CDC27: variants seen among roughly 807,000 people sequenced by gnomAD.
CDC27 encodes the protein cell division cycle 27.
Under a neutral mutation model 109.7 loss-of-function variants are expected in CDC27, and 27 were observed. The ratio of observed to expected loss-of-function variants is 0.25; its 90% CI spans 0.18 to 0.34. The LOEUF (loss-of-function observed/expected upper bound fraction) is 0.34. CDC27 is among the 10% of genes least tolerant of loss of function. CDC27 has a pLI of 1.00. For missense variants in CDC27, 579 were observed against 960.2 expected (o/e 0.60, Z 5.25); for synonymous variants, 266 against 333.9 (o/e 0.80, Z 2.22).
chr17:47,138,076 T>C (rs558614703), intron 13 of CDC27, among the ~76,000 whole-genome samples: 1 of 152,088 alleles, frequency 6.6e-6, no homozygotes, highest in Non-Finnish European at 1.5e-5. Flanking sequence ...GCTGGGATTA[T>C]AGGTGTGAGC....
chr17:47,165,262 T>C (rs1340193118), intron 4 of CDC27, among the ~76,000 whole-genome samples: 2 of 152,198 alleles, frequency 1.3e-5, no homozygotes, highest in Non-Finnish European at 2.9e-5. Context: ...ATGAATAAAG[T>C]TGCTATGAAC....
intron 4 of CDC27, among the ~76,000 whole-genome samples, chr17:47,166,737 G>A (rs569924636): frequency 2.0e-5 from 3 of 152,188 alleles, no homozygotes; most frequent in Non-Finnish European, 2.9e-5. Flanking sequence ...TATAAATTTC[G>A]CTGTAAGACT....
At chr17:47,139,155 C>A (rs1404851304) in intron 12 of CDC27, among the ~76,000 whole-genome samples, 1 of 151,826 alleles carries the variant, frequency 6.6e-6, no homozygotes, top group Non-Finnish European at 1.5e-5. Context: ...TGAGTTTCTA[C>A]CAAAAAGACC....
In CDC27 at chr17:47,138,061, G is replaced by A. The variant is rs11570541; in HGVS notation, c.1704+678C>T. 4.3e-3 allele frequency among the ~76,000 whole-genome samples: 648 copies of A among 152,106 alleles called. 8 individuals are homozygous for A. The highest frequency in any genetic ancestry group is 0.015 in the African/African-American group (610 of 41,490). On this transcript the variant is annotated intron_variant, in intron 13 of 18. Coordinates refer to ENST00000066544, the MANE Select transcript of CDC27 (RefSeq NM_001256.6). ...AGGAATCCGCCTGCCTCAGCCTCCC[G>A]AAGTGCTGGGATTATAGGTGTGAGC...
At chr17:47,187,704 A>G (rs2064498863) in intron 1 of CDC27, among the ~76,000 whole-genome samples, 2 of 137,544 alleles carry the variant, frequency 1.5e-5, no homozygotes, top group Admixed American at 1.4e-4. Context: ...CAGAGAAGGC[A>G]AAAAAAAAAA....
At chr17:47,125,103 G>C (rs190133624) in intron 16 of CDC27, among the ~76,000 whole-genome samples, 1 of 151,674 alleles carries the variant, frequency 6.6e-6, no homozygotes, top group Non-Finnish European at 1.5e-5. Flanking sequence ...ATTTTTAGTA[G>C]AGATGGGGTT....
rs1158266100 is a variant in CDC27 at position 47,132,988 on chromosome 17, CATATATATATATATATATATAT to C, written c.1914-636_1914-615del. 1.7e-4 allele frequency among the ~76,000 whole-genome samples: 7 copies of C among 40,896 alleles called. 1 individual carries two copies. Among genetic ancestry groups the C allele is most frequent in the East Asian group, 1.9e-3 (2 of 1,056 alleles). 26.8% of individuals were successfully genotyped at this position (40,896 alleles called of 152,430 possible). On this transcript the variant is annotated intron_variant, in intron 14 of 18. Coordinates refer to ENST00000066544, the MANE Select transcript of CDC27 (RefSeq NM_001256.6). ...GGGGTTTTGCCATGTTGCCCAGGCG[CATATATATATATATATATATAT>C]ATATATATATATATATATACACACA...
In CDC27 at chr17:47,142,403, G is replaced by A. The variant is rs751941268; in HGVS notation, c.1204C>T (p.Pro402Ser). The A allele has an allele frequency of 4.3e-5, 64 of 1,487,438 alleles. No individual in the cohort carries two copies. The highest frequency in any genetic ancestry group is 5.7e-5 in the Non-Finnish European group (62 of 1,084,994). The allele number at this position is 1,487,438 out of a possible 1,614,324, so 92.1% of individuals were successfully genotyped here. A position where few individuals can be genotyped will look rare whatever the true frequency, so the allele number is the denominator to read the frequency against. Residue 402 changes from proline to serine, a missense_variant, in exon 11 of 19, where the codon CCT becomes TCT. This residue lies in a region of CDC27 where 58 missense variants were observed against 116.6 expected (regional missense o/e 0.50). Transcript: ENST00000066544. ...TTTGTTTTTCTGTTTGGGATTTTAGGTGGAAACTTCATTTTTAATTTTTTG... is the reference window on the plus strand; with the variant it reads ...TTTGTTTTTCTGTTTGGGATTTTAGATGGAAACTTCATTTTTAATTTTTTG... ...NSKKLKMKFPPKIPNRKTKSK... is the reference protein window; with the variant it reads ...NSKKLKMKFPSKIPNRKTKSK...
intron 16 of CDC27, among the ~76,000 whole-genome samples, chr17:47,126,463 G>A (rs990367422): frequency 6.6e-6 from 1 of 152,108 alleles, no homozygotes; most frequent in South Asian, 2.1e-4. Context: ...ACAAAAGAGG[G>A]AGTCTCTCTG....
intron 4 of CDC27, chr17:47,160,015 T>TC: frequency 4.1e-6 from 1 of 241,838 alleles, no homozygotes; most frequent in Non-Finnish European, 8.1e-6. Flanking sequence ...TTTTTTTTTT[T>TC]CAAACAAACT....
chr17:47,170,472 C>G (rs1358969480), intron 3 of CDC27: 1 of 152,486 alleles, frequency 6.6e-6, no homozygotes. Context: ...GCATGAGACA[C>G]TGCACCTGGC....
chr17:47,173,851 G>T (rs1233058681), intron 2 of CDC27, among the ~76,000 whole-genome samples: 2 of 152,198 alleles, frequency 1.3e-5, no homozygotes, highest in Non-Finnish European at 2.9e-5. Flanking sequence ...CTAGCACTTT[G>T]GGAGGCTGAG....
At position 47,181,593 on chromosome 17, in the gene CDC27, C is replaced by T. The variant is rs11570462; in HGVS notation, c.72G>A (p.Ala24=). The T allele has an allele frequency of 1.9e-5, 31 of 1,607,462 alleles. No homozygotes were observed. Among genetic ancestry groups the T allele is most frequent in the African/African-American group, 6.7e-5 (5 of 74,888 alleles). The change falls in exon 2 of 19, where the codon GCG becomes GCA. Residue 24 remains alanine, a synonymous_variant. Coordinates refer to ENST00000066544, the MANE Select transcript of CDC27 (RefSeq NM_001256.6). The stretch of plus-strand genomic sequence containing the variant: ...CATAAAGGCGTTCTGCGAGGAAAAC[C>T]GCATCTCGGTAAGCATAGTGGTTTA... ...QALNHYAYRD[A]VFLAERLYAE...
chr17:47,139,982 T>C (rs1182531603), intron 12 of CDC27: 1 of 142,622 alleles, frequency 7.0e-6, no homozygotes, highest in South Asian at 2.2e-4. Flanking sequence ...GTCTAGGTAA[T>C]AAAAAAAAAA....
intron 9 of CDC27, among the ~76,000 whole-genome samples, chr17:47,147,323 C>T (rs200732402): frequency 1.3e-5 from 2 of 151,076 alleles, no homozygotes; most frequent in African/African-American, 2.4e-5. Context: ...GGCGTGAACC[C>T]GGGAGGCGGA....
At chr17:47,121,537 A>C in intron 18 of CDC27, among the ~76,000 whole-genome samples, 1 of 152,102 alleles carries the variant, frequency 6.6e-6, no homozygotes, top group East Asian at 1.9e-4. Context: ...TCCTGGGCTC[A>C]AGTGGTATGA....
chr17:47,123,451 C>T (rs2062039475), intron 17 of CDC27, among the ~76,000 whole-genome samples: 1 of 148,718 alleles, frequency 6.7e-6, no homozygotes, highest in African/African-American at 2.5e-5. Context: ...TGTTCTCTTG[C>T]CCAGGCTGGA....
chr17:47,175,039 G>GAGAGGAAGGAAGGAAGGAAGGA (rs1226717528), intron 2 of CDC27, among the ~76,000 whole-genome samples: 11 of 129,996 alleles, frequency 8.5e-5, no homozygotes, highest in Admixed American at 4.8e-4. Context: ...AAGAGAGAGA[G>GAGAGGAAGGAAGGAAGGAAGGA]AGGAAGGAAG....
intron 2 of CDC27, 62 bp from the exon 3 acceptor site, chr17:47,172,126 C>A: frequency 1.8e-6 from 2 of 1,111,160 alleles, no homozygotes; most frequent in Non-Finnish European, 2.4e-6. Flanking sequence ...ATCAGTTTAT[C>A]ATGCAATAAA....
Sources: allele counts gnomAD v4.1 joint callset (sites outside exome capture counted in the v4.1 genomes callset), GRCh38; gene constraint gnomAD v4.1.1; regional missense constraint gnomAD v4.1.1; transcripts MANE v1.5; gene names NCBI Gene and HGNC (gene_info 2026-07-23, HGNC 2026-07-21).